The following NLGN1 variants were observed in gnomAD, a reference collection of about 807,000 sequenced individuals.
NLGN1 encodes neuroligin-1.
In NLGN1, 12 loss-of-function variants were observed where a neutral mutation model predicts 65.5. That is an observed-to-expected ratio of 0.18 (90% CI 0.12 to 0.30). The LOEUF (loss-of-function observed/expected upper bound fraction) is 0.30, where lower values mean the gene tolerates loss of function less well. Ranked by LOEUF, NLGN1 falls within the 10% of genes least tolerant of loss-of-function variation. The pLI, the probability that NLGN1 is intolerant of heterozygous loss-of-function variation, is 1.00. For synonymous variants in NLGN1, 350 were observed against 359.5 expected (o/e 0.97, Z 0.30); for missense variants, 750 against 1,007.1 (o/e 0.74, Z 3.46).
chr3:173,657,555 A>G (rs780554556), intron 3 of NLGN1, among the ~76,000 whole-genome samples: 1 of 151,966 alleles, frequency 6.6e-6, no homozygotes, highest in East Asian at 1.9e-4. Flanking sequence ...AGCTAACCCA[A>G]GATTTTTGCT....
intron 4 of NLGN1, among the ~76,000 whole-genome samples, chr3:173,818,892 G>GTTATTTTTTTTTTTT (rs1224307666): frequency 4.7e-5 from 1 of 21,316 alleles, no homozygotes; most frequent in African/African-American, 2.7e-4. Context: ...CCTTTGAATA[G>GTTATTTTTTTTTTTT]TTCTTTTTTT....
intron 4 of NLGN1, among the ~76,000 whole-genome samples, chr3:174,272,803 A>G (rs1048418508): frequency 6.6e-6 from 1 of 151,684 alleles, no homozygotes; most frequent in African/African-American, 2.4e-5. Context: ...AAGGGCAAAA[A>G]TGGAGCTTGA....
intron 2 of NLGN1, among the ~76,000 whole-genome samples, chr3:173,548,289 T>C (rs2149255604): frequency 6.6e-6 from 1 of 152,252 alleles, no homozygotes; most frequent in Middle Eastern, 3.4e-3. Context: ...TCAAAGAAGC[T>C]TTGATGACAT....
intron 3 of NLGN1, among the ~76,000 whole-genome samples, chr3:173,618,125 A>G (rs1338066455): frequency 6.6e-6 from 1 of 152,084 alleles, no homozygotes; most frequent in Non-Finnish European, 1.5e-5. Context: ...CTCATTCCTT[A>G]TGATTTGGCC....
At chr3:173,878,597 C>G (rs1277279485) in intron 4 of NLGN1, among the ~76,000 whole-genome samples, 1 of 149,936 alleles carries the variant, frequency 6.7e-6, no homozygotes, top group South Asian at 2.1e-4. Flanking sequence ...ATGCATTTAT[C>G]TGTCTTTTAT....
chr3:173,896,278 T>C (rs1736340795), intron 4 of NLGN1, among the ~76,000 whole-genome samples: 1 of 152,166 alleles, frequency 6.6e-6, no homozygotes, highest in Non-Finnish European at 1.5e-5. Flanking sequence ...GAAGTCCTCA[T>C]GGGGGAATCA....
At chr3:173,713,808 A>G (rs1041564866) in intron 3 of NLGN1, among the ~76,000 whole-genome samples, 3 of 152,128 alleles carry the variant, frequency 2.0e-5, no homozygotes, top group African/African-American at 7.2e-5. Flanking sequence ...TACATGTATG[A>G]TTACATTCCT....
intron 4 of NLGN1, among the ~76,000 whole-genome samples, chr3:174,130,760 G>A (rs1362265487): frequency 6.6e-6 from 1 of 152,160 alleles, no homozygotes; most frequent in South Asian, 2.1e-4. Flanking sequence ...GGAAGAATGA[G>A]TAGAGTATAA....
At chr3:173,499,523 G>C (rs1270072910) in intron 2 of NLGN1, among the ~76,000 whole-genome samples, 6 of 151,924 alleles carry the variant, frequency 3.9e-5, no homozygotes, top group African/African-American at 9.7e-5. Context: ...CGTTAGGATT[G>C]ACTTGGCAAT....
At chr3:174,060,481 GAACAA>G (rs2152517366) in intron 4 of NLGN1, among the ~76,000 whole-genome samples, 1 of 152,176 alleles carries the variant, frequency 6.6e-6, no homozygotes, top group Admixed American at 6.6e-5. Flanking sequence ...AAAGCAAGTG[GAACAA>G]AACTTTTCCC....
At chr3:174,076,349 T>C (rs776622865) in intron 4 of NLGN1, among the ~76,000 whole-genome samples, 20 of 152,108 alleles carry the variant, frequency 1.3e-4, no homozygotes, top group Non-Finnish European at 2.2e-4. Context: ...TTTCCTTTAT[T>C]GGTTTAGCCG....
At chr3:173,679,404 T>C (rs1175371640) in intron 3 of NLGN1, among the ~76,000 whole-genome samples, 2 of 152,070 alleles carry the variant, frequency 1.3e-5, no homozygotes, top group Admixed American at 1.3e-4. Context: ...CTGAGTCATG[T>C]GGTAGTCTAC....
chr3:174,154,030 C>G (rs1423146265), intron 4 of NLGN1, among the ~76,000 whole-genome samples: 4 of 152,004 alleles, frequency 2.6e-5, no homozygotes, highest in Non-Finnish European at 4.4e-5. Context: ...TAAAATGTAA[C>G]TGTGATTCAC....
rs55747253 is a variant in NLGN1 at position 173,765,052 on chromosome 3, ATGTGTGTGTGTGTGTGTGTGTGTGTGTG to A, written c.494-42608_494-42581del. Among the ~76,000 whole-genome samples the A allele has an allele frequency of 1.4e-3, 192 of 136,288 alleles. No homozygotes were observed. In the Middle Eastern group the frequency reaches 0.022, roughly 16 times the overall value. 89.4% of individuals were successfully genotyped at this position (136,288 alleles called of 152,430 possible). ...AGAAATTGCTAATTGCTGTGGGTGC[ATGTGTGTGTGTGTGTGTGTGTGTGTGTG>A]TGTGTGTGTGTGTGTGTGTATGTAT... On this transcript the variant is annotated intron_variant, in intron 3 of 6. Coordinates refer to ENST00000457714, the Ensembl canonical transcript of NLGN1.
intron 3 of NLGN1, among the ~76,000 whole-genome samples, chr3:173,785,451 C>T (rs1450820575): frequency 6.6e-6 from 1 of 152,046 alleles, no homozygotes; most frequent in Non-Finnish European, 1.5e-5. Context: ...TTCTCCCAGC[C>T]TTAGTTTTAC....
At chr3:174,272,036 A>G (rs900302834) in intron 4 of NLGN1, among the ~76,000 whole-genome samples, 2 of 151,680 alleles carry the variant, frequency 1.3e-5, no homozygotes, top group African/African-American at 2.4e-5. Flanking sequence ...AAATAATAAT[A>G]TGTCAATGTG....
rs1747458318 is a variant in NLGN1 at position 174,263,860 on chromosome 3, C to T, written c.647-11455C>T. Among the ~76,000 whole-genome samples, 10 of 150,958 alleles carry T rather than the reference C, an allele frequency of 6.6e-5. No homozygotes were observed. In the South Asian group the frequency reaches 2.1e-3, roughly 32 times the overall value. On this transcript the variant is annotated intron_variant, in intron 4 of 6. Transcript: ENST00000457714. ...CCATGTTTAGCGCTTCCTTCAGGAG[C>T]TCTTTTAGGGCAGGCCTGGTGGTGA...
intron 4 of NLGN1, among the ~76,000 whole-genome samples, chr3:174,137,948 A>G (rs557477690): frequency 2.0e-5 from 3 of 152,258 alleles, no homozygotes; most frequent in African/African-American, 7.2e-5. Flanking sequence ...GTGTCACTCT[A>G]CTTGTTAACA....
At chr3:173,454,495 G>A (rs1356832529) in intron 2 of NLGN1, among the ~76,000 whole-genome samples, 2 of 152,194 alleles carry the variant, frequency 1.3e-5, no homozygotes, top group African/African-American at 4.8e-5. Context: ...ACCTTCATCA[G>A]TGATCTTAGC....
Sources: gnomAD v4.1 joint callset for allele counts (sites outside exome capture counted in the v4.1 genomes callset) on GRCh38, gnomAD v4.1.1 for gene constraint, MANE v1.5 for transcripts, NCBI Gene and HGNC (gene_info 2026-07-23, HGNC 2026-07-21) for gene names.